The following DOCK8 variants were observed in gnomAD, a reference collection of about 807,000 sequenced individuals.
DOCK8 encodes dedicator of cytokinesis 8, also known as dedicator of cytokinesis protein 8.
A neutral mutation model predicts 245.6 loss-of-function variants in DOCK8; 141 were observed. That is an observed-to-expected ratio of 0.57 (90% CI 0.50 to 0.66). The LOEUF is 0.66. DOCK8 is among the 30% of genes least tolerant of loss of function. DOCK8 has a pLI of 0.00. For missense variants in DOCK8, 2,965 were observed against 2,603.4 expected, an observed-to-expected ratio of 1.14 and a Z score of -3.02; for synonymous variants, 1,168 against 970.2, an observed-to-expected ratio of 1.20 and a Z score of -3.79.
intron 45 of DOCK8, 47 bp downstream of exon 45, chr9:449,974 G>C (rs1202965335): frequency 6.2e-7 from 1 of 1,607,458 alleles, no homozygotes; most frequent in Non-Finnish European, 8.5e-7. Context: ...TATTATTTAG[G>C]TTGTCATTAT....
At chr9:361,741 C>CT (rs1436296981) in intron 14 of DOCK8, among the ~76,000 whole-genome samples, 1 of 152,148 alleles carries the variant, frequency 6.6e-6, no homozygotes, top group East Asian at 1.9e-4. Context: ...TTTCATATTA[C>CT]TACTTTGTTT....
chr9:233,793 C>T (rs2047179558), intron 1 of DOCK8, among the ~76,000 whole-genome samples: 1 of 151,882 alleles, frequency 6.6e-6, no homozygotes, highest in Admixed American at 6.6e-5. Context: ...ATGTGTGTCT[C>T]TGCACGTGAG....
intron 16 of DOCK8, 40 bp from the exon 17 acceptor site, chr9:371,388 T>C (rs2053278297): frequency 4.3e-6 from 7 of 1,613,410 alleles, no homozygotes; most frequent in Non-Finnish European, 5.9e-6. Context: ...GTCATCATTC[T>C]TGCTAAAAGT....
intron 1 of DOCK8, among the ~76,000 whole-genome samples, chr9:239,206 C>T (rs771622590): frequency 1.2e-4 from 19 of 152,216 alleles, no homozygotes; most frequent in Non-Finnish European, 2.2e-4. Flanking sequence ...CATACACACA[C>T]GCATGGCCGC....
chr9:216,609 A>G (rs1432113397), intron 1 of DOCK8, among the ~76,000 whole-genome samples: 2 of 149,752 alleles, frequency 1.3e-5, no homozygotes, highest in Admixed American at 1.3e-4. Flanking sequence ...ATTTTTTTCT[A>G]CATTAAGGTT....
chr9:358,189 A>G (rs1456281482), intron 14 of DOCK8, among the ~76,000 whole-genome samples: 1 of 152,112 alleles, frequency 6.6e-6, no homozygotes, highest in Non-Finnish European at 1.5e-5. Flanking sequence ...GACTCAAGTG[A>G]TCTTCCAGCC....
intron 25 of DOCK8, among the ~76,000 whole-genome samples, chr9:397,281 A>G (rs570494579): frequency 4.6e-5 from 7 of 151,126 alleles, no homozygotes; most frequent in East Asian, 2.0e-4. Flanking sequence ...AACCTGGGAG[A>G]CAGAGGTTGC....
In DOCK8 at chr9:328,242, G is replaced by A. The variant is rs1424086472; in HGVS notation, c.1044+71G>A. On this transcript the variant is annotated intron_variant, in intron 9 of 47. Coordinates refer to ENST00000432829, the MANE Select transcript of DOCK8 (RefSeq NM_203447.4). ...TGTGTTGTTCCCAGCACATGTTTGG[G>A]GTGCACGCAATCTCAGAATGTGTCC... 23 of 1,538,870 alleles carry A rather than the reference G, an allele frequency of 1.5e-5. 1 individual carries two copies. The South Asian group carries it at 2.2e-4, about 15-fold the overall frequency.
At chr9:401,051 A>C in intron 26 of DOCK8, among the ~76,000 whole-genome samples, 1 of 98,124 alleles carries the variant, frequency 1.0e-5, no homozygotes, top group African/African-American at 6.1e-5. Context: ...CACTTCTTCC[A>C]CCATCATCAT....
chr9:264,855 A>G (rs756829375), intron 1 of DOCK8, among the ~76,000 whole-genome samples: 5 of 152,218 alleles, frequency 3.3e-5, no homozygotes, highest in South Asian at 4.1e-4. Flanking sequence ...GCCATGCACA[A>G]TGATCTAACC....
intron 29 of DOCK8, among the ~76,000 whole-genome samples, chr9:415,734 C>A (rs919907797): frequency 7.1e-6 from 1 of 140,244 alleles, no homozygotes; most frequent in African/African-American, 2.7e-5. Flanking sequence ...CAGAGTAGTT[C>A]TTGCTTTTCC....
intron 2 of DOCK8, among the ~76,000 whole-genome samples, chr9:279,978 C>T (rs1445197251): frequency 2.6e-5 from 4 of 152,126 alleles, no homozygotes; most frequent in African/African-American, 7.2e-5. Flanking sequence ...TGGTTTGAGT[C>T]AGCTATCTGT....
At chr9:272,611 T>TA (rs1563858642) in intron 2 of DOCK8, among the ~76,000 whole-genome samples, 6 of 152,282 alleles carry the variant, frequency 3.9e-5, no homozygotes, top group African/African-American at 1.4e-4. Flanking sequence ...GGTCTTGAAC[T>TA]CCTGGGCTCA....
At chr9:297,270 G>A (rs1256181797) in intron 4 of DOCK8, among the ~76,000 whole-genome samples, 6 of 152,308 alleles carry the variant, frequency 3.9e-5, no homozygotes, top group South Asian at 4.1e-4. Flanking sequence ...GAGAGACTAA[G>A]GCACTTGCCC....
intron 44 of DOCK8, among the ~76,000 whole-genome samples, chr9:447,017 T>A (rs1434885401): frequency 6.6e-6 from 1 of 152,112 alleles, no homozygotes; most frequent in Non-Finnish European, 1.5e-5. Context: ...GACCTGCACG[T>A]GGGCAGCCCC....
chr9:293,633 G>C (rs1301633054), intron 4 of DOCK8, among the ~76,000 whole-genome samples: 2 of 152,198 alleles, frequency 1.3e-5, no homozygotes, highest in East Asian at 3.9e-4. Flanking sequence ...TTCCCCTTTG[G>C]GGAGACAAAG....
At position 370,420 on chromosome 9, in the gene DOCK8, G is replaced by C. The variant is rs565658900; in HGVS notation, c.1868+120G>C. Reference sequence around the variant, plus strand: ...TATAATTCAGGGACTGAGGGGCAAAGGAAATCCATGCCAGTTCCGTGACTC... The same window carrying C: ...TATAATTCAGGGACTGAGGGGCAAACGAAATCCATGCCAGTTCCGTGACTC... On this transcript the variant is annotated intron_variant, in intron 16 of 47. Coordinates refer to ENST00000432829, the MANE Select transcript of DOCK8 (RefSeq NM_203447.4). 4.3e-3 allele frequency: 3,666 copies of C among 848,618 alleles called. 16 individuals carry two copies. The highest frequency in any genetic ancestry group is 5.8e-3 in the Non-Finnish European group (2,916 of 506,568). 52.6% of individuals were successfully genotyped at this position (848,618 alleles called of 1,614,324 possible).
intron 18 of DOCK8, 27 bp from the exon 19 acceptor site, chr9:376,183 A>T (rs369450877): frequency 2.0e-6 from 3 of 1,513,150 alleles, no homozygotes; most frequent in Non-Finnish European, 2.8e-6. Context: ...TTGGATTGCT[A>T]ATCTTTTTTT....
At chr9:405,161 A>T in intron 27 of DOCK8, 88 bp downstream of exon 27, 4 of 1,362,656 alleles carry the variant, frequency 2.9e-6, no homozygotes, top group Non-Finnish European at 3.0e-6. Context: ...TATAAAGGTT[A>T]GTCTTATTAA....
Sources: gnomAD v4.1 joint callset for allele counts (sites outside exome capture counted in the v4.1 genomes callset) on GRCh38, gnomAD v4.1.1 for gene constraint, MANE v1.5 for transcripts, NCBI Gene and HGNC (gene_info 2026-07-23, HGNC 2026-07-21) for gene names.